PTN: variants seen among roughly 807,000 people sequenced by gnomAD.
The protein encoded by PTN is heparin affin regulatory protein.
A neutral mutation model predicts 24.1 loss-of-function variants in PTN; 18 were observed. That is an observed-to-expected ratio of 0.75 (90% CI 0.52 to 1.11). The LOEUF is 1.11. Among genes scored for constraint, PTN ranks in the 50% least tolerant of loss-of-function variants. The pLI is 0.00. For synonymous variants in PTN, 78 were observed against 68.6 expected (o/e 1.14, Z -0.67); for missense variants, 163 against 198.8 (o/e 0.82, Z 1.08).
intron 1 of PTN, among the ~76,000 whole-genome samples, chr7:137,268,315 A>AT (rs1407095121): frequency 1.3e-5 from 2 of 152,082 alleles, no homozygotes; most frequent in African/African-American, 4.8e-5. Flanking sequence ...TGGACCGTCC[A>AT]TTACTCACCT....
intron 1 of PTN, among the ~76,000 whole-genome samples, chr7:137,264,748 A>C (rs559615248): frequency 6.6e-5 from 10 of 152,278 alleles, no homozygotes; most frequent in Non-Finnish European, 1.3e-4. Context: ...TCTAGCATTC[A>C]TTAGCTAATG....
rs536491567 is a variant in PTN at position 137,246,691 on chromosome 7, T to G, written c.451+4539A>C. Among the ~76,000 whole-genome samples the G allele has an allele frequency of 8.5e-5, 13 of 152,294 alleles. No homozygotes were observed. The East Asian group carries it at 2.5e-3, about 29-fold the overall frequency. On this transcript the variant is annotated intron_variant, in intron 4 of 4. Transcript: ENST00000348225. ...CCTCATTTGTTATGTGGATATTAGA[T>G]CAGACATTAGGCAAGGTCCCCAGAA...
intron 1 of PTN, among the ~76,000 whole-genome samples, chr7:137,299,515 C>T (rs1809772496): frequency 6.6e-6 from 1 of 151,800 alleles, no homozygotes. Flanking sequence ...ATGGTACGCC[C>T]CTCTGAGACC....
chr7:137,304,724 C>G (rs1004539988), intron 1 of PTN, among the ~76,000 whole-genome samples: 1 of 151,922 alleles, frequency 6.6e-6, no homozygotes, highest in Non-Finnish European at 1.5e-5. Context: ...AAAATGAATG[C>G]CTACTACCTG....
chr7:137,233,430 T>G (rs988446293), intron 4 of PTN, among the ~76,000 whole-genome samples: 1 of 151,922 alleles, frequency 6.6e-6, no homozygotes, highest in Non-Finnish European at 1.5e-5. Flanking sequence ...CCACTAATGT[T>G]CAAAACACAT....
chr7:137,236,103 A>G, intron 4 of PTN: 2 of 695,076 alleles, frequency 2.9e-6, no homozygotes, highest in Non-Finnish European at 5.3e-6. Flanking sequence ...CAAAATTAAT[A>G]AAAGTCCCCA....
At chr7:137,305,640 A>G (rs1809875500) in intron 1 of PTN, among the ~76,000 whole-genome samples, 1 of 152,166 alleles carries the variant, frequency 6.6e-6, no homozygotes, top group South Asian at 2.1e-4. Flanking sequence ...CTCTCTGACT[A>G]TATTTTCTAG....
chr7:137,301,302 G>A (rs1410141824), intron 1 of PTN, among the ~76,000 whole-genome samples: 1 of 151,924 alleles, frequency 6.6e-6, no homozygotes, highest in Non-Finnish European at 1.5e-5. Context: ...CAAGGGCAGT[G>A]TAAAGACCAC....
At chr7:137,257,882 A>G (rs322316) in intron 1 of PTN, among the ~76,000 whole-genome samples, 67,274 of 151,984 alleles carry the variant, frequency 0.44, 15,240 homozygotes, top group African/African-American at 0.54. Flanking sequence ...ACCTACAGCA[A>G]GAAGAGAGGC....
At chr7:137,341,454 TA>T (rs1400171465) in intron 1 of PTN, among the ~76,000 whole-genome samples, 1 of 152,030 alleles carries the variant, frequency 6.6e-6, no homozygotes, top group Non-Finnish European at 1.5e-5. Flanking sequence ...GAAAGGGGTC[TA>T]AAAAAACAGA....
intron 1 of PTN, among the ~76,000 whole-genome samples, chr7:137,300,152 A>G (rs1044397064): frequency 1.3e-5 from 2 of 151,784 alleles, no homozygotes; most frequent in African/African-American, 4.8e-5. Flanking sequence ...GAACATTGAT[A>G]TTACATTAAA....
In PTN at chr7:137,334,801, C is replaced by A. The variant is rs541451446; in HGVS notation, c.-2+8638G>T. On this transcript the variant is annotated intron_variant, in intron 1 of 4. Coordinates refer to ENST00000348225, the MANE Select transcript of PTN (RefSeq NM_002825.7). ...AAGACTTGGAACCAATCCAAATGTC[C>A]AACAATGATAGACTGGATTAAGAAA... is the stretch of plus-strand genomic sequence containing the variant. 1.3e-4 allele frequency among the ~76,000 whole-genome samples: 19 copies of A among 151,806 alleles called. No individual in the cohort carries two copies. In the East Asian group the frequency reaches 1.7e-3, roughly 14 times the overall value.
chr7:137,343,233 G>A (rs1264247005), intron 1 of PTN, among the ~76,000 whole-genome samples: 1 of 152,008 alleles, frequency 6.6e-6, no homozygotes, highest in South Asian at 2.1e-4. Context: ...AAGCACACCC[G>A]AACTAACCTA....
At chr7:137,260,858 T>C (rs542702469) in intron 1 of PTN, among the ~76,000 whole-genome samples, 1 of 152,302 alleles carries the variant, frequency 6.6e-6, no homozygotes, top group South Asian at 2.1e-4. Flanking sequence ...TGAGTATGGA[T>C]GGGGGTTGCA....
intron 1 of PTN, among the ~76,000 whole-genome samples, chr7:137,308,302 C>T (rs1208870472): frequency 2.6e-5 from 4 of 152,032 alleles, no homozygotes; most frequent in African/African-American, 9.7e-5. Flanking sequence ...GTCTAGCCAT[C>T]CAAAGGAAGA....
intron 1 of PTN, among the ~76,000 whole-genome samples, chr7:137,300,048 G>A (rs10262764): frequency 0.065 from 9,836 of 151,450 alleles, 720 homozygotes; most frequent in African/African-American, 0.18. Flanking sequence ...GTGGCTGCCC[G>A]CCATGGGAGC....
chr7:137,231,274 C>A (rs898202951), intron 4 of PTN, among the ~76,000 whole-genome samples: 1 of 151,866 alleles, frequency 6.6e-6, no homozygotes, highest in Non-Finnish European at 1.5e-5. Flanking sequence ...TTCCTTATGA[C>A]GGTTCTTTGA....
chr7:137,324,433 A>AAAAATATATATAT, intron 1 of PTN, among the ~76,000 whole-genome samples: 6 of 88,762 alleles, frequency 6.8e-5, no homozygotes, highest in African/African-American at 2.1e-4. Flanking sequence ...AAAAAAAAAA[A>AAAAATATATATAT]ATATATATAT....
At chr7:137,245,724 T>C (rs1808711112) in intron 4 of PTN, among the ~76,000 whole-genome samples, 1 of 152,132 alleles carries the variant, frequency 6.6e-6, no homozygotes, top group Admixed American at 6.5e-5. Flanking sequence ...GACCTTCCAG[T>C]GGGACAAGAT....
Sources: allele counts gnomAD v4.1 joint callset (sites outside exome capture counted in the v4.1 genomes callset), GRCh38; gene constraint gnomAD v4.1.1; transcripts MANE v1.5; gene names NCBI Gene and HGNC (gene_info 2026-07-23, HGNC 2026-07-21).